The following DDX10 variants were observed in gnomAD, a reference collection of about 807,000 sequenced individuals.
The protein encoded by DDX10 is probable ATP-dependent RNA helicase DDX10.
DDX10 carries 74 observed loss-of-function variants against 104.3 expected under a neutral mutation model. The ratio of observed to expected loss-of-function variants is 0.71; its 90% confidence interval spans 0.59 to 0.86. The LOEUF (loss-of-function observed/expected upper bound fraction) is 0.86. DDX10 is among the 40% of genes least tolerant of loss of function. DDX10 has a pLI of 0.00. For synonymous variants in DDX10, 351 were observed against 353.4 expected, an observed-to-expected ratio of 0.99 and a Z score of 0.08; for missense variants, 952 against 1,040.0, an observed-to-expected ratio of 0.92 and a Z score of 1.16.
At chr11:108,734,007 C>G (rs2094315423) in intron 13 of DDX10, among the ~76,000 whole-genome samples, 1 of 152,164 alleles carries the variant, frequency 6.6e-6, no homozygotes, top group Non-Finnish European at 1.5e-5. Flanking sequence ...TCACATCTTT[C>G]AAGATGCAGT....
At chr11:108,848,736 A>AT (rs1392393586) in intron 15 of DDX10, among the ~76,000 whole-genome samples, 2 of 151,976 alleles carry the variant, frequency 1.3e-5, no homozygotes, top group Non-Finnish European at 2.9e-5. Flanking sequence ...CCTTTTGGGG[A>AT]TTTTTTTAAA....
intron 2 of DDX10, 146 bp downstream of exon 2, chr11:108,673,673 G>A: frequency 1.7e-6 from 1 of 602,434 alleles, no homozygotes; most frequent in East Asian, 2.9e-5. Flanking sequence ...CAATATTCAA[G>A]TTTTAACAGT....
At chr11:108,764,316 G>T (rs1440691153) in intron 13 of DDX10, among the ~76,000 whole-genome samples, 1 of 152,118 alleles carries the variant, frequency 6.6e-6, no homozygotes, top group Non-Finnish European at 1.5e-5. Flanking sequence ...GATGTTGGGG[G>T]GAATAGCATC....
rs540121306 is a variant in DDX10 at position 108,676,953 on chromosome 11, G to A, written c.379-132G>A. On this transcript the variant is annotated intron_variant, in intron 3 of 17. Coordinates refer to ENST00000322536, the MANE Select transcript of DDX10 (RefSeq NM_004398.4). ...GAAGATAAACAAAATCATTTACTTT[G>A]GACTGGATAAAACTTGAGTGGTATG... is the stretch of plus-strand genomic sequence containing the variant. 19 of 714,348 alleles carry A rather than the reference G, an allele frequency of 2.7e-5. No individual in the cohort carries two copies. The South Asian group carries it at 3.5e-4, about 13-fold the overall frequency. 44.3% of individuals were successfully genotyped at this position (714,348 alleles called of 1,614,324 possible).
chr11:108,804,543 A>G (rs1200412997), intron 13 of DDX10, among the ~76,000 whole-genome samples: 1 of 151,682 alleles, frequency 6.6e-6, no homozygotes, highest in African/African-American at 2.4e-5. Context: ...TTGCCACAAA[A>G]TTTTCAACTG....
Position 108,841,358 on chromosome 11 carries a change from A to G in DDX10, c.2129A>G (p.Asp710Gly). ...CAAATGCAGAAATCTGCCATCAAGG[A>G]TGCTGAGGAAGATGATGACACAGGT... The part of the protein sequence containing the change: ...WPQMQKSAIK[D>G]AEEDDDTGGI... Residue 710 changes from aspartate (D) to glycine (G), a missense_variant, in exon 15 of 18, where the codon GAT becomes GGT. Coordinates refer to ENST00000322536, the MANE Select transcript of DDX10 (RefSeq NM_004398.4). 6.2e-7 allele frequency: 1 copy of G among 1,613,732 alleles called. No individual in the cohort carries two copies. Among genetic ancestry groups the G allele is most frequent in the Non-Finnish European group, 8.5e-7 (1 of 1,179,890 alleles).
rs1372149133 is a variant in DDX10, at chr11:108,665,243, G to A, written c.90G>A (p.Arg30=). The part of the protein sequence containing the change: ...FNRWKKKHSH[R]QNKKKQLRKQ... Reference sequence around the variant, plus strand: ...GCTGGAAGAAAAAACACAGCCATAGGCAGAACAAAAAGAAGCAGTTGAGGA... The same window carrying A: ...GCTGGAAGAAAAAACACAGCCATAGACAGAACAAAAAGAAGCAGTTGAGGA... Residue 30 remains arginine, a synonymous_variant, in exon 1 of 18, where the codon AGG becomes AGA. Coordinates refer to ENST00000322536, the MANE Select transcript of DDX10 (RefSeq NM_004398.4). 3 of 1,613,004 alleles carry A rather than the reference G, an allele frequency of 1.9e-6. No homozygotes were observed. Among genetic ancestry groups the A allele is most frequent in the Middle Eastern group, 1.7e-4 (1 of 6,056 alleles).
intron 16 of DDX10, among the ~76,000 whole-genome samples, chr11:108,876,217 T>C (rs1177765517): frequency 1.3e-5 from 2 of 152,210 alleles, no homozygotes; most frequent in African/African-American, 4.8e-5. Context: ...GATTTGACTC[T>C]TAGAGGATAG....
chr11:108,677,304 C>T (rs1047819606), intron 4 of DDX10, 61 bp downstream of exon 4: 5 of 1,458,672 alleles, frequency 3.4e-6, no homozygotes, highest in South Asian at 2.7e-5. Context: ...GTACTGTGGC[C>T]GATGACAGGG....
chr11:108,887,391 G>A (rs906423614), intron 16 of DDX10, among the ~76,000 whole-genome samples: 1 of 151,382 alleles, frequency 6.6e-6, no homozygotes, highest in South Asian at 2.1e-4. Flanking sequence ...ATATTTGTCT[G>A]TATGTAGAAA....
At position 108,940,474 on chromosome 11, in the gene DDX10, G is replaced by T. The variant is rs1864095163; in HGVS notation, c.*51G>T. 2 of 1,580,288 alleles carry T rather than the reference G, an allele frequency of 1.3e-6. No homozygotes were observed. The highest frequency in any genetic ancestry group is 1.4e-5 in the African/African-American group (1 of 73,648). On this transcript the variant is annotated 3_prime_UTR_variant, in exon 18 of 18. Transcript: ENST00000322536. ...TGAAACCTTGGTTATGACTGCGTAGGCAAGAAGTTGAAAAACAGTTGATTT... is the reference window on the plus strand; with the variant it reads ...TGAAACCTTGGTTATGACTGCGTAGTCAAGAAGTTGAAAAACAGTTGATTT...
intron 12 of DDX10, among the ~76,000 whole-genome samples, chr11:108,722,710 G>A (rs761797307): frequency 1.4e-4 from 21 of 152,268 alleles, no homozygotes; most frequent in Middle Eastern, 3.4e-3. Flanking sequence ...GAAATTGGCA[G>A]GTCTAGTACT....
intron 16 of DDX10, among the ~76,000 whole-genome samples, chr11:108,894,080 C>T (rs1443622373): frequency 6.6e-6 from 1 of 151,942 alleles, no homozygotes; most frequent in Non-Finnish European, 1.5e-5. Flanking sequence ...GTTTTCACTG[C>T]ACAAATGAAT....
At chr11:108,939,795 A>G (rs1157070040) in intron 17 of DDX10, among the ~76,000 whole-genome samples, 3 of 152,212 alleles carry the variant, frequency 2.0e-5, no homozygotes, top group South Asian at 4.1e-4. Flanking sequence ...TATTTTATGC[A>G]TGTTCTCTAG....
At chr11:108,737,716 T>TTCC (rs2094320087) in intron 13 of DDX10, among the ~76,000 whole-genome samples, 1 of 152,190 alleles carries the variant, frequency 6.6e-6, no homozygotes, top group Non-Finnish European at 1.5e-5. Context: ...TGGAGCCGTT[T>TTCC]TCCTTCCTGT....
chr11:108,734,134 C>T (rs1336343727), intron 13 of DDX10, among the ~76,000 whole-genome samples: 3 of 152,070 alleles, frequency 2.0e-5, no homozygotes, highest in African/African-American at 7.2e-5. Flanking sequence ...CATAATGTAG[C>T]CACATGTCTC....
intron 15 of DDX10, among the ~76,000 whole-genome samples, chr11:108,841,796 A>G (rs554656633): frequency 1.3e-5 from 2 of 152,292 alleles, no homozygotes; most frequent in South Asian, 2.1e-4. Context: ...AGATATCCCA[A>G]GCTCTCCATT....
chr11:108,858,146 T>A (rs938882522), intron 16 of DDX10, among the ~76,000 whole-genome samples: 3 of 152,218 alleles, frequency 2.0e-5, no homozygotes, highest in Non-Finnish European at 4.4e-5. Flanking sequence ...ATTTTATACA[T>A]GTTTTCCCTC....
chr11:108,827,626 C>T (rs971347139), intron 13 of DDX10, among the ~76,000 whole-genome samples: 10 of 152,008 alleles, frequency 6.6e-5, no homozygotes, highest in Admixed American at 3.3e-4. Flanking sequence ...AATTTATAAG[C>T]GTTGTTTCCT....
Sources: allele counts gnomAD v4.1 joint callset (sites outside exome capture counted in the v4.1 genomes callset), GRCh38; gene constraint gnomAD v4.1.1; transcripts MANE v1.5; gene names NCBI Gene and HGNC (gene_info 2026-07-23, HGNC 2026-07-21).